SPOCK3: variants seen among roughly 807,000 people sequenced by gnomAD.
SPOCK3 encodes SPARC (osteonectin), cwcv and kazal like domains proteoglycan 3.
In SPOCK3, 30 loss-of-function variants were observed where a neutral mutation model predicts 56.6. The ratio of observed to expected loss-of-function variants is 0.53; its 90% CI spans 0.40 to 0.72. The LOEUF (loss-of-function observed/expected upper bound fraction) is 0.72, where lower values mean the gene tolerates loss of function less well. Among genes scored for constraint, SPOCK3 ranks in the 30% least tolerant of loss-of-function variants. SPOCK3 has a pLI of 0.00. For synonymous variants in SPOCK3, 196 were observed against 183.3 expected, an observed-to-expected ratio of 1.07 and a Z score of -0.56; for missense variants, 527 against 530.0, an observed-to-expected ratio of 0.99 and a Z score of 0.06.
At chr4:166,970,600 T>A (rs6553452) in intron 4 of SPOCK3, among the ~76,000 whole-genome samples, 9 of 151,636 alleles carry the variant, frequency 5.9e-5, no homozygotes, top group African/African-American at 1.7e-4. Context: ...AGGTGTTGCC[T>A]GTAATCCCAG....
intron 6 of SPOCK3, among the ~76,000 whole-genome samples, chr4:166,845,693 G>A (rs998081188): frequency 6.6e-6 from 1 of 152,110 alleles, no homozygotes; most frequent in Admixed American, 6.5e-5. Flanking sequence ...CTTCAAACAC[G>A]TAATCTAAAA....
At chr4:166,992,822 C>T (rs79505409) in intron 4 of SPOCK3, among the ~76,000 whole-genome samples, 6 of 123,350 alleles carry the variant, frequency 4.9e-5, no homozygotes, top group Non-Finnish European at 1.1e-4. Flanking sequence ...TGTACTTTTT[C>T]CCCCCAATTC....
chr4:166,904,559 T>G (rs1736413320), intron 5 of SPOCK3, among the ~76,000 whole-genome samples: 1 of 152,034 alleles, frequency 6.6e-6, no homozygotes, highest in African/African-American at 2.4e-5. Context: ...CATGCTATAG[T>G]TATCTTTACA....
chr4:167,097,672 A>G (rs1185729302), intron 2 of SPOCK3, among the ~76,000 whole-genome samples: 2 of 151,874 alleles, frequency 1.3e-5, no homozygotes, highest in East Asian at 1.9e-4. Flanking sequence ...TAGTGAGCCT[A>G]TTGACCCAGA....
intron 4 of SPOCK3, among the ~76,000 whole-genome samples, chr4:166,951,884 A>G (rs938136788): frequency 6.6e-6 from 1 of 152,082 alleles, no homozygotes. Flanking sequence ...ATTCAACAAC[A>G]CTTGATGCTA....
At position 166,961,229 on chromosome 4, in the gene SPOCK3, C is replaced by T. The variant is rs147589739; in HGVS notation, c.350+39120G>A. On this transcript the variant is annotated intron_variant, in intron 4 of 10. Coordinates refer to ENST00000357545, the MANE Select transcript of SPOCK3 (RefSeq NM_001040159.2). ...CAATTTTAAAAAAAACCTTTAAATA[C>T]GTGAGTCTTACCCACGAAATTAAAA... Among the ~76,000 whole-genome samples the T allele has an allele frequency of 7.9e-3, 1,176 of 148,896 alleles. 13 individuals are homozygous for T. The highest frequency in any genetic ancestry group is 0.028 in the African/African-American group (1,105 of 39,524).
chr4:167,009,783 T>A (rs2150142550), intron 3 of SPOCK3, among the ~76,000 whole-genome samples: 1 of 152,160 alleles, frequency 6.6e-6, no homozygotes. Context: ...CAAAATATTC[T>A]TGTAAAATCA....
intron 2 of SPOCK3, among the ~76,000 whole-genome samples, chr4:167,070,736 T>C (rs1756592124): frequency 6.6e-6 from 1 of 151,968 alleles, no homozygotes. Context: ...ATGGCTAGCA[T>C]AACAGTTAAG....
At chr4:166,742,185 T>A (rs569840226) in intron 8 of SPOCK3, 126 bp from the exon 9 acceptor site, 81 of 649,432 alleles carry the variant, frequency 1.2e-4, no homozygotes, top group Non-Finnish European at 2.0e-4. Flanking sequence ...TATTAATTGG[T>A]TTACTTATAA....
At chr4:166,891,009 C>T (rs188026953) in intron 5 of SPOCK3, among the ~76,000 whole-genome samples, 1 of 151,806 alleles carries the variant, frequency 6.6e-6, no homozygotes, top group African/African-American at 2.4e-5. Flanking sequence ...CCATGTAATG[C>T]CCTTCTTTGT....
At chr4:167,058,236 T>A (rs974482451) in intron 3 of SPOCK3, among the ~76,000 whole-genome samples, 2 of 152,148 alleles carry the variant, frequency 1.3e-5, no homozygotes, top group Non-Finnish European at 2.9e-5. Flanking sequence ...GACATGATTG[T>A]ATATCTAGAA....
intron 7 of SPOCK3, among the ~76,000 whole-genome samples, chr4:166,773,037 C>T (rs1185501955): frequency 6.6e-6 from 1 of 152,172 alleles, no homozygotes; most frequent in Non-Finnish European, 1.5e-5. Flanking sequence ...AGCAATTTGC[C>T]TGCTTTGTCC....
At chr4:166,818,379 G>A (rs867426362) in intron 6 of SPOCK3, among the ~76,000 whole-genome samples, 5 of 151,902 alleles carry the variant, frequency 3.3e-5, no homozygotes, top group Admixed American at 6.6e-5. Flanking sequence ...CAAAACTCTT[G>A]TTTAGTATAA....
chr4:166,948,297 G>T (rs928891987), intron 4 of SPOCK3, among the ~76,000 whole-genome samples: 1 of 152,102 alleles, frequency 6.6e-6, no homozygotes, highest in Admixed American at 6.6e-5. Flanking sequence ...CTTGGCTATT[G>T]TGAATAGTAG....
chr4:167,125,188 ATTTT>A (rs963530686), intron 2 of SPOCK3, among the ~76,000 whole-genome samples: 13 of 132,400 alleles, frequency 9.8e-5, no homozygotes, highest in Admixed American at 3.9e-4. Context: ...GAGCACAGAG[ATTTT>A]TTATTTATTT....
At chr4:166,851,867 A>G (rs1163223347) in intron 6 of SPOCK3, among the ~76,000 whole-genome samples, 5 of 152,032 alleles carry the variant, frequency 3.3e-5, no homozygotes, top group Non-Finnish European at 7.3e-5. Flanking sequence ...TTGCGGCATT[A>G]TTCACAATAG....
At chr4:167,043,993 T>C (rs146693486) in intron 3 of SPOCK3, among the ~76,000 whole-genome samples, 2 of 152,140 alleles carry the variant, frequency 1.3e-5, no homozygotes, top group African/African-American at 4.8e-5. Context: ...GATTCTTCTA[T>C]CTTCTAAAAA....
At chr4:167,210,422 A>G (rs1041629003) in intron 2 of SPOCK3, among the ~76,000 whole-genome samples, 24 of 152,270 alleles carry the variant, frequency 1.6e-4, no homozygotes, top group African/African-American at 5.5e-4. Context: ...AATCTTTTCA[A>G]CTATCACAAG....
At chr4:167,226,750 C>T (rs771613169) in intron 2 of SPOCK3, among the ~76,000 whole-genome samples, 58 of 152,158 alleles carry the variant, frequency 3.8e-4, no homozygotes, top group Non-Finnish European at 6.3e-4. Flanking sequence ...TTCTCTTAAA[C>T]GCCTCCTGTT....
Sources: gnomAD v4.1 joint callset for allele counts (sites outside exome capture counted in the v4.1 genomes callset) on GRCh38, gnomAD v4.1.1 for gene constraint, MANE v1.5 for transcripts, NCBI Gene and HGNC (gene_info 2026-07-23, HGNC 2026-07-21) for gene names.